The following SYT14 variants were observed in gnomAD, a reference collection of about 807,000 sequenced individuals.
SYT14 encodes synaptotagmin-14.
A neutral mutation model predicts 74.2 loss-of-function variants in SYT14; 32 were observed. The ratio of observed to expected loss-of-function variants is 0.43; its 90% CI spans 0.33 to 0.58. The LOEUF (loss-of-function observed/expected upper bound fraction) is 0.58. Among genes scored for constraint, SYT14 ranks in the 20% least tolerant of loss-of-function variants. SYT14 has a pLI of 0.05. For missense variants in SYT14, 791 were observed against 981.8 expected (o/e 0.81, Z 2.60); for synonymous variants, 298 against 337.7 (o/e 0.88, Z 1.29).
At chr1:209,938,960 T>C (rs1249219112) in intron 1 of SYT14, among the ~76,000 whole-genome samples, 2 of 152,198 alleles carry the variant, frequency 1.3e-5, no homozygotes, top group Non-Finnish European at 2.9e-5. Context: ...GCACACATTC[T>C]TAGAATCCTG....
chr1:210,062,459 C>A (rs2081223272), intron 5 of SYT14, among the ~76,000 whole-genome samples: 1 of 151,756 alleles, frequency 6.6e-6, no homozygotes, highest in Non-Finnish European at 1.5e-5. Flanking sequence ...CAATAATGTG[C>A]AAATGAATAA....
intron 7 of SYT14, among the ~76,000 whole-genome samples, chr1:210,141,787 A>G (rs1356542745): frequency 4.6e-5 from 7 of 152,230 alleles, no homozygotes; most frequent in South Asian, 4.1e-4. Flanking sequence ...CACTTTCTGC[A>G]TGCACAGAGC....
intron 7 of SYT14, among the ~76,000 whole-genome samples, chr1:210,148,558 T>G (rs2083092556): frequency 6.7e-6 from 1 of 150,242 alleles, no homozygotes; most frequent in Non-Finnish European, 1.5e-5. Flanking sequence ...GGTCTCAAAA[T>G]TATAAGAGAA....
chr1:210,064,511 G>A (rs575180294), intron 5 of SYT14, among the ~76,000 whole-genome samples: 13 of 152,030 alleles, frequency 8.6e-5, no homozygotes, highest in African/African-American at 2.9e-4. Context: ...GATGTAAATG[G>A]AATCATACAA....
intron 7 of SYT14, among the ~76,000 whole-genome samples, chr1:210,134,539 C>A (rs185318424): frequency 6.6e-6 from 1 of 152,268 alleles, no homozygotes; most frequent in Non-Finnish European, 1.5e-5. Flanking sequence ...CTTAGTTGAA[C>A]ACATACTTAA....
intron 5 of SYT14, among the ~76,000 whole-genome samples, chr1:210,021,488 G>A (rs940581833): frequency 6.6e-5 from 10 of 152,204 alleles, no homozygotes; most frequent in Admixed American, 2.0e-4. Context: ...TGTGTTAATT[G>A]TAGCTCTTAT....
intron 7 of SYT14, among the ~76,000 whole-genome samples, chr1:210,107,719 G>A (rs375715251): frequency 6.6e-6 from 1 of 152,002 alleles, no homozygotes; most frequent in African/African-American, 2.4e-5. Flanking sequence ...TTAAATTTAT[G>A]TAAGGTAAAA....
chr1:210,069,984 T>G (rs1380062245), intron 5 of SYT14, among the ~76,000 whole-genome samples: 2 of 152,086 alleles, frequency 1.3e-5, no homozygotes, highest in African/African-American at 4.8e-5. Context: ...AGCAAAACAT[T>G]ATTCACATTA....
chr1:209,991,058 G>A (rs541598572), intron 2 of SYT14, among the ~76,000 whole-genome samples: 18 of 152,220 alleles, frequency 1.2e-4, no homozygotes, highest in Middle Eastern at 3.4e-3. Context: ...AGTAAGTGGC[G>A]CTAGGAAAAT....
intron 1 of SYT14, among the ~76,000 whole-genome samples, chr1:209,949,583 A>C (rs1227271618): frequency 6.6e-6 from 1 of 152,094 alleles, no homozygotes; most frequent in Non-Finnish European, 1.5e-5. Flanking sequence ...AAAAAAAAAA[A>C]AAACACTCAA....
intron 2 of SYT14, among the ~76,000 whole-genome samples, chr1:209,969,775 G>C (rs2079216511): frequency 6.6e-6 from 1 of 152,050 alleles, no homozygotes; most frequent in South Asian, 2.1e-4. Flanking sequence ...CACCGTGCCT[G>C]GCCCTCATTG....
intron 5 of SYT14, among the ~76,000 whole-genome samples, chr1:210,091,133 G>A (rs905087225): frequency 6.6e-6 from 1 of 152,120 alleles, no homozygotes; most frequent in Non-Finnish European, 1.5e-5. Flanking sequence ...AACCCATTTT[G>A]TGTAACTTGT....
chr1:210,033,499 C>G (rs1157229605), intron 5 of SYT14, among the ~76,000 whole-genome samples: 1 of 151,684 alleles, frequency 6.6e-6, no homozygotes, highest in East Asian at 1.9e-4. Flanking sequence ...ATGTGTGAGT[C>G]AAAAATTACC....
chr1:209,969,648 G>A (rs565443321), intron 2 of SYT14, among the ~76,000 whole-genome samples: 1 of 151,664 alleles, frequency 6.6e-6, no homozygotes, highest in Non-Finnish European at 1.5e-5. Context: ...CCACCACACT[G>A]GGCTAATTTT....
intron 7 of SYT14, among the ~76,000 whole-genome samples, chr1:210,141,066 AAGGCCATAGCAATTTTGAT>A (rs1192140017): frequency 6.7e-6 from 1 of 149,142 alleles, no homozygotes; most frequent in African/African-American, 2.5e-5. Context: ...AAAAAAAAAG[AAGGCCATAGCAATTTTGAT>A]AGGGATCGCA....
chr1:210,146,848 C>G (rs901047225), intron 7 of SYT14, among the ~76,000 whole-genome samples: 2 of 151,028 alleles, frequency 1.3e-5, no homozygotes, highest in Admixed American at 1.3e-4. Context: ...TATGTATGTA[C>G]TACATATATA....
intron 7 of SYT14, among the ~76,000 whole-genome samples, chr1:210,103,108 T>C (rs983470604): frequency 1.3e-5 from 2 of 152,290 alleles, no homozygotes; most frequent in Non-Finnish European, 1.5e-5. Context: ...ACAGTTTTTT[T>C]CATAGATAAT....
exon 10 of SYT14, chr1:210,161,397 T>C (rs1412609433): frequency 3.1e-5 from 14 of 455,634 alleles, no homozygotes; most frequent in Non-Finnish European, 5.6e-5. Context: ...ACCAGAATTT[T>C]AGTTGCAATA....
intron 7 of SYT14, among the ~76,000 whole-genome samples, chr1:210,152,670 A>G (rs865916138): frequency 1.3e-5 from 2 of 152,168 alleles, no homozygotes; most frequent in Non-Finnish European, 1.5e-5. Context: ...AATGAAAGAA[A>G]CATTGTCTCA....
Sources: allele counts gnomAD v4.1 joint callset (sites outside exome capture counted in the v4.1 genomes callset), GRCh38; gene constraint gnomAD v4.1.1; transcripts MANE v1.5; gene names NCBI Gene and HGNC (gene_info 2026-07-23, HGNC 2026-07-21).